The following RGS13 variants were observed in gnomAD, a reference collection of about 807,000 sequenced individuals.
The protein encoded by RGS13 is regulator of G-protein signalling 13.
Under a neutral mutation model 19.9 loss-of-function variants are expected in RGS13, and 14 were observed. The ratio of observed to expected loss-of-function variants is 0.70; its 90% CI spans 0.46 to 1.10. The LOEUF (loss-of-function observed/expected upper bound fraction) is 1.10, where lower values mean the gene tolerates loss of function less well. Ranked by LOEUF, RGS13 falls within the 50% of genes least tolerant of loss-of-function variation. The pLI, the probability that RGS13 is intolerant of heterozygous loss-of-function variation, is 0.00. For missense variants in RGS13, 205 were observed against 187.1 expected, an observed-to-expected ratio of 1.10 and a Z score of -0.56; for synonymous variants, 60 against 56.8, an observed-to-expected ratio of 1.06 and a Z score of -0.25.
intron 3 of RGS13, among the ~76,000 whole-genome samples, chr1:192,641,224 G>GA (rs1408337005): frequency 2.8e-5 from 1 of 35,350 alleles, no homozygotes; most frequent in Non-Finnish European, 6.6e-5. Flanking sequence ...AAGAAAGAGA[G>GA]AAAGAAAGAA....
intron 5 of RGS13, among the ~76,000 whole-genome samples, chr1:192,653,352 G>A (rs1309485573): frequency 2.0e-5 from 3 of 152,068 alleles, no homozygotes; most frequent in African/African-American, 7.2e-5. Flanking sequence ...CGTGGAGTAA[G>A]TCAGCACTGA....
At chr1:192,659,306 CTT>C (rs754600638) in intron 6 of RGS13, 30 bp from the exon 7 acceptor site, 27 of 1,560,734 alleles carry the variant, frequency 1.7e-5, no homozygotes, top group Non-Finnish European at 2.2e-5. Flanking sequence ...ACTATGCTAA[CTT>C]AATGCTGTAC....
In RGS13 at chr1:192,654,677, T is replaced by C. The variant is rs550836666; in HGVS notation, c.128-3524T>C. On this transcript the variant is annotated intron_variant, in intron 5 of 6. Coordinates refer to ENST00000391995, the MANE Select transcript of RGS13 (RefSeq NM_002927.5). ...CTGCCTGGTGTAAGCCTTGCAGTCT[T>C]ACAGAAAAAATAATTCTGGAATAGA... Among the ~76,000 whole-genome samples the C allele has an allele frequency of 2.0e-5, 3 of 152,130 alleles. No individual in the cohort carries two copies. The South Asian group carries it at 6.2e-4, about 32-fold the overall frequency.
intron 3 of RGS13, among the ~76,000 whole-genome samples, chr1:192,640,877 A>G (rs535344304): frequency 6.6e-5 from 10 of 152,242 alleles, no homozygotes; most frequent in Admixed American, 2.6e-4. Flanking sequence ...CTTCTTCTTC[A>G]GGAACCTGAA....
At chr1:192,640,103 C>G (rs1322240501) in intron 3 of RGS13, among the ~76,000 whole-genome samples, 1 of 152,038 alleles carries the variant, frequency 6.6e-6, no homozygotes, top group Non-Finnish European at 1.5e-5. Flanking sequence ...GGGGAGAAGT[C>G]AAGTCTCAGT....
rs1280426863 is a variant in RGS13, at chr1:192,639,259, T to A, written c.-5+1056T>A. Among the ~76,000 whole-genome samples, 6 of 152,248 alleles carry A rather than the reference T, an allele frequency of 3.9e-5. No homozygotes were observed. The East Asian group carries it at 9.7e-4, about 24-fold the overall frequency. On this transcript the variant is annotated intron_variant, in intron 3 of 6. Transcript: ENST00000391995. ...AGGCATCTCCATAGAGAGAACAACC[T>A]GAATAATTGCATTTAAAGGGAAGCT...
chr1:192,655,339 A>T (rs113761867), intron 5 of RGS13, among the ~76,000 whole-genome samples: 1 of 152,158 alleles, frequency 6.6e-6, no homozygotes, highest in Non-Finnish European at 1.5e-5. Flanking sequence ...ACATGGTAAC[A>T]AGTGACATAA....
intron 3 of RGS13, among the ~76,000 whole-genome samples, chr1:192,639,548 G>A (rs894663693): frequency 1.3e-5 from 2 of 152,090 alleles, no homozygotes; most frequent in Non-Finnish European, 2.9e-5. Flanking sequence ...TAAAGTTAAT[G>A]GGGAAAACTT....
intron 5 of RGS13, among the ~76,000 whole-genome samples, chr1:192,655,054 T>G (rs1663410590): frequency 6.6e-6 from 1 of 152,134 alleles, no homozygotes; most frequent in Admixed American, 6.6e-5. Flanking sequence ...AAAAGGCTTT[T>G]CCACCTTGTA....
At chr1:192,641,063 C>T (rs573018572) in intron 3 of RGS13, among the ~76,000 whole-genome samples, 13 of 147,656 alleles carry the variant, frequency 8.8e-5, no homozygotes, top group Non-Finnish European at 1.6e-4. Context: ...GTCATTATTA[C>T]GTCTTTCTAT....
chr1:192,642,609 G>A (rs1462492793), intron 3 of RGS13, among the ~76,000 whole-genome samples: 4 of 151,976 alleles, frequency 2.6e-5, no homozygotes, highest in Admixed American at 2.6e-4. Flanking sequence ...TTATAGGCCT[G>A]AGCCACAGTG....
intron 3 of RGS13, among the ~76,000 whole-genome samples, chr1:192,642,422 AG>A (rs1179169729): frequency 6.6e-6 from 1 of 151,680 alleles, no homozygotes; most frequent in African/African-American, 2.4e-5. Context: ...CCTGGGCTCA[AG>A]TGATCCTCCC....
intron 5 of RGS13, 34 bp from the exon 6 acceptor site, chr1:192,658,167 C>T: frequency 1.3e-6 from 2 of 1,529,882 alleles, no homozygotes; most frequent in Non-Finnish European, 1.8e-6. Context: ...GATTTTGACC[C>T]ATGAAAATAA....
chr1:192,658,372 C>A lies in RGS13; in HGVS notation c.294+5C>A. ...CAGCCACAGTCCCCTAGAGAGGTAA[C>A]TACCTGACAATGACAGGAATGGAAA... On this transcript the variant is annotated splice_donor_5th_base_variant and intron_variant, in intron 6 of 6. Coordinates refer to ENST00000391995, the MANE Select transcript of RGS13 (RefSeq NM_002927.5). The A allele has an allele frequency of 6.2e-7, 1 of 1,606,438 alleles. No homozygotes were observed. The highest frequency in any genetic ancestry group is 1.1e-5 in the South Asian group (1 of 90,282).
At chr1:192,647,848 G>T in intron 4 of RGS13, 78 bp from the exon 5 acceptor site, 1 of 834,932 alleles carries the variant, frequency 1.2e-6, no homozygotes. Context: ...TCATTTTCAA[G>T]ATAATATAAT....
rs574755757 is a variant in RGS13, at chr1:192,636,457, A to G, written c.-116+140A>G. 4 of 152,166 alleles carry G rather than the reference A, an allele frequency of 2.6e-5. No individual in the cohort carries two copies. In the East Asian group the frequency reaches 7.7e-4, roughly 29 times the overall value. 9.4% of individuals were successfully genotyped at this position (152,166 alleles called of 1,614,324 possible). ...TTCTAAGAAAAAAAGACAAACTAAC[A>G]AACACATATTCTTTTGCCTGGCTTT... On this transcript the variant is annotated intron_variant, in intron 1 of 6. Coordinates refer to ENST00000391995, the MANE Select transcript of RGS13 (RefSeq NM_002927.5).
chr1:192,643,973 A>G (rs1176480608), intron 3 of RGS13, among the ~76,000 whole-genome samples: 1 of 152,122 alleles, frequency 6.6e-6, no homozygotes, highest in African/African-American at 2.4e-5. Flanking sequence ...AAATAAAAAT[A>G]AGAATTGTCC....
At chr1:192,642,602 T>C (rs79689109) in intron 3 of RGS13, among the ~76,000 whole-genome samples, 5,039 of 151,994 alleles carry the variant, frequency 0.033, 218 homozygotes, top group East Asian at 0.11. Context: ...GTTGGGATTA[T>C]AGGCCTGAGC....
intron 4 of RGS13, 192 bp from the exon 5 acceptor site, chr1:192,647,734 A>G: frequency 7.5e-6 from 2 of 266,186 alleles, no homozygotes; most frequent in Non-Finnish European, 1.4e-5. Context: ...CACAATTTTT[A>G]TAATTTAAAA....
Sources: allele counts gnomAD v4.1 joint callset (sites outside exome capture counted in the v4.1 genomes callset), GRCh38; gene constraint gnomAD v4.1.1; transcripts MANE v1.5; gene names NCBI Gene and HGNC (gene_info 2026-07-23, HGNC 2026-07-21).